The following ITPK1 variants were observed in gnomAD, a reference collection of about 807,000 sequenced individuals.
ITPK1 encodes inositol-tetrakisphosphate 1-kinase, also known as inositol 1,3,4-trisphosphate 5/6-kinase.
In ITPK1, 21 loss-of-function variants were observed where a neutral mutation model predicts 45.3. That is an observed-to-expected ratio of 0.46 (90% CI 0.33 to 0.67). The LOEUF (loss-of-function observed/expected upper bound fraction) is 0.67, where lower values mean the gene tolerates loss of function less well. Among genes scored for constraint, ITPK1 ranks in the 30% least tolerant of loss-of-function variants. ITPK1 has a pLI of 0.02. For missense variants in ITPK1, 474 were observed against 573.5 expected (o/e 0.83, Z 1.77); for synonymous variants, 258 against 253.6 (o/e 1.02, Z -0.16).
chr14:93,086,363 C>T (rs753069559), intron 2 of ITPK1, among the ~76,000 whole-genome samples: 2 of 152,226 alleles, frequency 1.3e-5, no homozygotes, highest in Non-Finnish European at 2.9e-5. Context: ...CTTACCTGGC[C>T]TGAGGGCTGG....
chr14:92,946,563 C>G, intron 9 of ITPK1, 70 bp from the exon 10 acceptor site: 6 of 1,462,818 alleles, frequency 4.1e-6, no homozygotes, highest in Non-Finnish European at 5.7e-6. Flanking sequence ...CAGACAGACC[C>G]CCCACACCAG....
At chr14:92,993,049 T>C (rs1886868796) in intron 5 of ITPK1, among the ~76,000 whole-genome samples, 1 of 152,250 alleles carries the variant, frequency 6.6e-6, no homozygotes, top group African/African-American at 2.4e-5. Context: ...CAGGAAATTA[T>C]GCCCAAGGCC....
At position 92,938,575 on chromosome 14, in the gene ITPK1, A is replaced by G. The variant is rs373374574; in HGVS notation, c.*2986T>C. 371 of 1,502,630 alleles carry G rather than the reference A, an allele frequency of 2.5e-4. No homozygotes were observed. Among genetic ancestry groups the G allele is most frequent in the Non-Finnish European group, 3.3e-4 (360 of 1,080,748 alleles). The allele number at this position is 1,502,630 out of a possible 1,614,324, so 93.1% of individuals were successfully genotyped here. ...TCCCAGGTTGCTTTCTCCTTTATTG[A>G]CAGGCATGAGACACAGGCAGGCCCA... On this transcript the variant is annotated 3_prime_UTR_variant, in exon 11 of 11. Transcript: ENST00000267615.
At chr14:93,058,674 C>G (rs117634531) in intron 3 of ITPK1, among the ~76,000 whole-genome samples, 1 of 822 alleles carries the variant, frequency 1.2e-3, no homozygotes, top group Non-Finnish European at 1.9e-3. Context: ...GGAGGGGGTG[C>G]GGGTTATGAG....
chr14:92,940,491 G>T lies in ITPK1; in HGVS notation c.*1070C>A, dbSNP rs553657744. ...GGCACCTGCTGGCTCAGTGCTTGGG[G>T]CTTGCAATGAGAGGTGGACCAGGCC... On this transcript the variant is annotated 3_prime_UTR_variant, in exon 11 of 11. Coordinates refer to ENST00000267615, the MANE Select transcript of ITPK1 (RefSeq NM_014216.6). 1.8e-4 allele frequency: 202 copies of T among 1,148,114 alleles called. No individual in the cohort carries two copies. In the African/African-American group the frequency reaches 3.0e-3, roughly 17 times the overall value. 71.1% of individuals were successfully genotyped at this position (1,148,114 alleles called of 1,614,324 possible).
intron 2 of ITPK1, among the ~76,000 whole-genome samples, chr14:93,110,435 C>T (rs749090022): frequency 1.3e-5 from 2 of 152,172 alleles, no homozygotes; most frequent in Non-Finnish European, 2.9e-5. Flanking sequence ...GAGAATCTCC[C>T]GAAAGAATTC....
At position 93,023,169 on chromosome 14, in the gene ITPK1, C is replaced by T. The variant is rs928491553; in HGVS notation, c.121-6368G>A. 5.3e-5 allele frequency among the ~76,000 whole-genome samples: 8 copies of T among 152,180 alleles called. No individual in the cohort carries two copies. The South Asian group carries it at 1.0e-3, about 20-fold the overall frequency. On this transcript the variant is annotated intron_variant, in intron 3 of 10. Coordinates refer to ENST00000267615, the MANE Select transcript of ITPK1 (RefSeq NM_014216.6). ...TGCTGGGATTACAGGTGTGAGCCACCGCACACGGCCTATCAGCCCCTTTTC... is the reference window on the plus strand; with the variant it reads ...TGCTGGGATTACAGGTGTGAGCCACTGCACACGGCCTATCAGCCCCTTTTC...
chr14:93,032,275 A>T lies in ITPK1; in HGVS notation c.121-15474T>A, dbSNP rs984958605. Among the ~76,000 whole-genome samples the T allele has an allele frequency of 2.0e-5, 3 of 152,098 alleles. No homozygotes were observed. Among genetic ancestry groups the T allele is most frequent in the Non-Finnish European group, 4.4e-5 (3 of 68,002 alleles). On this transcript the variant is annotated intron_variant, in intron 3 of 10. Transcript: ENST00000267615. The surrounding 1 kb of genome is among the most constrained non-coding windows in gnomAD (Gnocchi z 4.0). ...TGAGGCAGGAGAATCACTTGAACCC[A>T]GGAGGCGGAGGTTGCAGTGAGCCGA...
intron 7 of ITPK1, among the ~76,000 whole-genome samples, chr14:92,961,637 C>T (rs1007416583): frequency 2.0e-5 from 3 of 152,178 alleles, no homozygotes; most frequent in South Asian, 2.1e-4. Flanking sequence ...AACAGGCCCT[C>T]GAAGAGATGA....
In ITPK1 at chr14:93,057,834, C is replaced by G. The variant is rs117063795; in HGVS notation, c.120+18761G>C. ...CACCCTCCTGGTCATTCTCACCATG[C>G]TTGGTGGCGCTAGGCACCTTGATGG... is the stretch of plus-strand genomic sequence containing the variant. On this transcript the variant is annotated intron_variant, in intron 3 of 10. Transcript: ENST00000267615. Among the ~76,000 whole-genome samples the G allele has an allele frequency of 6.9e-3, 1,044 of 152,352 alleles. 12 individuals are homozygous for G. Among genetic ancestry groups the G allele is most frequent in the Non-Finnish European group, 9.9e-3 (675 of 68,032 alleles).
chr14:93,007,181 A>T (rs1887657495), intron 4 of ITPK1, among the ~76,000 whole-genome samples: 1 of 152,214 alleles, frequency 6.6e-6, no homozygotes, highest in Non-Finnish European at 1.5e-5. Context: ...CACCCACCTC[A>T]GCAGCAGCCC....
At chr14:93,037,570 G>T (rs1222850700) in intron 3 of ITPK1, among the ~76,000 whole-genome samples, 1 of 152,118 alleles carries the variant, frequency 6.6e-6, no homozygotes, top group Non-Finnish European at 1.5e-5. Context: ...CACAACGGGA[G>T]TCCAAGGCCA....
intron 5 of ITPK1, among the ~76,000 whole-genome samples, chr14:92,981,480 G>A (rs1398774045): frequency 6.6e-6 from 1 of 152,108 alleles, no homozygotes; most frequent in Non-Finnish European, 1.5e-5. Flanking sequence ...CTCCGCGAGA[G>A]CCCCACAGAC....
chr14:92,948,810 G>A (rs1887809081), intron 9 of ITPK1, among the ~76,000 whole-genome samples: 1 of 130,922 alleles, frequency 7.6e-6, no homozygotes, highest in African/African-American at 3.3e-5. Flanking sequence ...CCCACGCTCC[G>A]AGGGACCCAT....
intron 2 of ITPK1, among the ~76,000 whole-genome samples, chr14:93,110,119 G>T (rs1892686136): frequency 6.6e-6 from 1 of 152,278 alleles, no homozygotes; most frequent in African/African-American, 2.4e-5. Context: ...GGGGCACATA[G>T]GCAGTCAGTC....
intron 2 of ITPK1, among the ~76,000 whole-genome samples, chr14:93,084,213 C>G (rs1054705548): frequency 6.6e-6 from 1 of 152,330 alleles, no homozygotes; most frequent in Middle Eastern, 3.4e-3. Flanking sequence ...GGCTGAGTGG[C>G]GACGAAGCCA....
rs145205266 is a variant in ITPK1, at chr14:93,050,154, G to A, written c.120+26441C>T. Among the ~76,000 whole-genome samples the A allele has an allele frequency of 5.3e-3, 811 of 152,304 alleles. 5 individuals are homozygous for A. Among genetic ancestry groups the A allele is most frequent in the Non-Finnish European group, 8.2e-3 (555 of 68,020 alleles). ...TAGAAGCAAACCATCTGGCCAGTTG[G>A]AGAAAGTTTACACAAGGAGGACTGG... is the stretch of plus-strand genomic sequence containing the variant. On this transcript the variant is annotated intron_variant, in intron 3 of 10. Transcript: ENST00000267615.
intron 2 of ITPK1, among the ~76,000 whole-genome samples, chr14:93,104,946 C>G (rs1283340806): frequency 6.6e-6 from 1 of 152,196 alleles, no homozygotes; most frequent in Non-Finnish European, 1.5e-5. Flanking sequence ...GAAAACGCCA[C>G]AAGTGTCTAT....
chr14:92,974,838 G>A (rs1022231259), intron 5 of ITPK1, among the ~76,000 whole-genome samples: 4 of 152,230 alleles, frequency 2.6e-5, no homozygotes, highest in African/African-American at 9.6e-5. Context: ...CTGCCCAGCC[G>A]TCCGGTTCAC....
Sources: allele counts gnomAD v4.1 joint callset (sites outside exome capture counted in the v4.1 genomes callset), GRCh38; gene constraint gnomAD v4.1.1; non-coding constraint Gnocchi (gnomAD v3.1); transcripts MANE v1.5; gene names NCBI Gene and HGNC (gene_info 2026-07-23, HGNC 2026-07-21).